Variants in SLC4A5 observed in about 807,000 individuals in gnomAD.
SLC4A5 encodes the protein solute carrier family 4 member 5.
In SLC4A5, 96 loss-of-function variants were observed where a neutral mutation model predicts 120.4. The observed-to-expected ratio is 0.80, with a 90% confidence interval of 0.68 to 0.94. The LOEUF is 0.94. Ranked by LOEUF, SLC4A5 falls within the 40% of genes least tolerant of loss-of-function variation. The pLI, the probability that SLC4A5 is intolerant of heterozygous loss-of-function variation, is 0.00. For synonymous variants in SLC4A5, 550 were observed against 571.1 expected, an observed-to-expected ratio of 0.96 and a Z score of 0.53; for missense variants, 1,259 against 1,459.5, an observed-to-expected ratio of 0.86 and a Z score of 2.24.
In SLC4A5 at chr2:74,227,633, A is replaced by G. The variant is rs1694893720; in HGVS notation, c.2916+177T>C. 8 of 1,320,920 alleles carry G rather than the reference A, an allele frequency of 6.1e-6. No homozygotes were observed. The East Asian group carries it at 1.2e-4, about 20-fold the overall frequency. 81.8% of individuals were successfully genotyped at this position (1,320,920 alleles called of 1,614,324 possible). A position where few individuals can be genotyped will look rare whatever the true frequency, so the allele number is the denominator to read the frequency against. ...ATATGAGGCCTATGAAGTGCCTAACATATTTATTTTGCCTGATAGCATCAG... is the reference window on the plus strand; with the variant it reads ...ATATGAGGCCTATGAAGTGCCTAACGTATTTATTTTGCCTGATAGCATCAG... On this transcript the variant is annotated intron_variant, in intron 26 of 30. Coordinates refer to ENST00000394019, the Ensembl canonical transcript of SLC4A5.
intron 8 of SLC4A5, among the ~76,000 whole-genome samples, chr2:74,273,059 C>A (rs1001326106): frequency 6.6e-6 from 1 of 152,204 alleles, no homozygotes; most frequent in Non-Finnish European, 1.5e-5. Flanking sequence ...ATTCTAAAAC[C>A]CAGGCTGAAT....
At chr2:74,265,244 T>A (rs1671266749) in exon 9 of SLC4A5, 1 of 1,613,896 alleles carries the variant, frequency 6.2e-7, no homozygotes, top group African/African-American at 1.3e-5. Flanking sequence ...TTCCTCTACC[T>A]TTTCTTCAAA....
intron 8 of SLC4A5, among the ~76,000 whole-genome samples, chr2:74,268,272 C>G (rs1671367039): frequency 6.6e-6 from 1 of 152,190 alleles, no homozygotes; most frequent in South Asian, 2.1e-4. Context: ...GCTCCTCCAA[C>G]CAGGAGGCAT....
chr2:74,229,104 C>CA (rs1553451211), intron 25 of SLC4A5, among the ~76,000 whole-genome samples: 1 of 98,590 alleles, frequency 1.0e-5, no homozygotes, highest in Non-Finnish European at 1.8e-5. Context: ...TAGATTTGAG[C>CA]TTTTTTTTTT....
intron 8 of SLC4A5, among the ~76,000 whole-genome samples, chr2:74,284,784 G>A (rs955843920): frequency 2.0e-5 from 3 of 152,032 alleles, no homozygotes; most frequent in Non-Finnish European, 4.4e-5. Flanking sequence ...TGGCTCCTGC[G>A]ACTTCTCCGT....
rs13432790 is a variant in SLC4A5 at position 74,261,285 on chromosome 2, A to G, written c.811+852T>C. Among the ~76,000 whole-genome samples the G allele has an allele frequency of 4.0e-3, 615 of 152,264 alleles. 2 individuals carry two copies. Among genetic ancestry groups the G allele is most frequent in the African/African-American group, 0.012 (483 of 41,546 alleles). On this transcript the variant is annotated intron_variant, in intron 11 of 30. Coordinates refer to ENST00000394019, the Ensembl canonical transcript of SLC4A5. Reference sequence around the variant, plus strand: ...GTCTTCCCGAAGCCACTCTGTACCCACTGAACACTGCCACTGGGCATCCCT... The same window carrying G: ...GTCTTCCCGAAGCCACTCTGTACCCGCTGAACACTGCCACTGGGCATCCCT...
intron 3 of SLC4A5, among the ~76,000 whole-genome samples, chr2:74,334,705 C>A (rs1673441140): frequency 6.6e-6 from 1 of 152,032 alleles, no homozygotes; most frequent in African/African-American, 2.4e-5. Flanking sequence ...AATCCTGACT[C>A]AACTAACTGT....
chr2:74,315,279 A>T (rs906474710), intron 5 of SLC4A5, among the ~76,000 whole-genome samples: 5 of 151,850 alleles, frequency 3.3e-5, no homozygotes, highest in Non-Finnish European at 7.4e-5. Context: ...ATCTCTAATA[A>T]AAATACAAAA....
chr2:74,318,832 A>T (rs1673028055), intron 5 of SLC4A5, among the ~76,000 whole-genome samples: 1 of 152,218 alleles, frequency 6.6e-6, no homozygotes, highest in Admixed American at 6.5e-5. Flanking sequence ...CTACCATTTG[A>T]TTCAGCAATC....
At chr2:74,277,918 CA>C (rs373384353) in intron 8 of SLC4A5, among the ~76,000 whole-genome samples, 24 of 146,122 alleles carry the variant, frequency 1.6e-4, no homozygotes, top group Non-Finnish European at 2.0e-4. Flanking sequence ...AAGCAAACAA[CA>C]AAAAAAAAAT....
chr2:74,227,311 A>T (rs905636512), intron 26 of SLC4A5, among the ~76,000 whole-genome samples, 181 bp from the exon 27 acceptor site: 3 of 152,128 alleles, frequency 2.0e-5, no homozygotes, highest in Non-Finnish European at 4.4e-5. Context: ...GGTCTTAGAG[A>T]AAGGGTCCTG....
At chr2:74,218,821 C>T (rs539660232) in intron 30 of SLC4A5, 29 bp from the exon 31 acceptor site, 5 of 152,650 alleles carry the variant, frequency 3.3e-5, no homozygotes, top group Non-Finnish European at 5.9e-5. Context: ...AGAAGGATTA[C>T]GTAGTTCTTG....
chr2:74,233,503 A>G (rs762449809), exon 23 of SLC4A5: 10 of 1,613,988 alleles, frequency 6.2e-6, no homozygotes, highest in Middle Eastern at 1.6e-4. Context: ...CTTGCTGGGT[A>G]TACCCACCAC....
intron 8 of SLC4A5, among the ~76,000 whole-genome samples, chr2:74,278,220 A>G (rs993148499): frequency 3.9e-5 from 6 of 152,206 alleles, no homozygotes; most frequent in Admixed American, 2.6e-4. Context: ...GACCAGCTCC[A>G]AGGGTTCTGA....
chr2:74,328,060 A>G (rs1673260629), intron 5 of SLC4A5, 60 bp downstream of exon 5: 1 of 904,670 alleles, frequency 1.1e-6, no homozygotes, highest in African/African-American at 1.8e-5. Context: ...TATGAAACAC[A>G]TTTTCCCTTA....
chr2:74,231,135 A>G (rs1670066311), intron 25 of SLC4A5, 101 bp downstream of exon 25: 5 of 1,034,306 alleles, frequency 4.8e-6, no homozygotes, highest in South Asian at 1.7e-5. Context: ...GGGGGCTGAT[A>G]GGCCAGTGAT....
Position 74,314,963 on chromosome 2 carries a change from T to A in SLC4A5, c.61A>T (p.Arg21Ter), listed in dbSNP as rs1672918339. Residue 21 changes from arginine (R) to a stop codon, truncating the protein, a stop_gained, in exon 6 of 31, where the codon AGA becomes TGA. Transcript: ENST00000394019. LOFTEE classifies it high-confidence loss of function. Reference sequence around the variant, plus strand: ...ACCTCACCTTTCTGATCCGGAAATCTCCTCCTGTGGTTAGTGTGGTCCAGC... The same window carrying A: ...ACCTCACCTTTCTGATCCGGAAATCACCTCCTGTGGTTAGTGTGGTCCAGC... The A allele has an allele frequency of 3.2e-6, 5 of 1,560,732 alleles. No individual in the cohort carries two copies. In the East Asian group the frequency reaches 1.1e-4, roughly 35 times the overall value.
At chr2:74,227,983 G>T (rs1171782458) in intron 25 of SLC4A5, 105 bp from the exon 26 acceptor site, 1 of 754,322 alleles carries the variant, frequency 1.3e-6, no homozygotes, top group East Asian at 2.8e-5. Context: ...CTAGGAAACT[G>T]GATATTTGGG....
At chr2:74,318,691 A>G (rs1239647012) in intron 5 of SLC4A5, among the ~76,000 whole-genome samples, 2 of 152,110 alleles carry the variant, frequency 1.3e-5, no homozygotes, top group African/African-American at 4.8e-5. Flanking sequence ...TCACAAAAAA[A>G]AAAAAAAGTG....
Sources: gnomAD v4.1 joint callset for allele counts (sites outside exome capture counted in the v4.1 genomes callset) on GRCh38, gnomAD v4.1.1 for gene constraint, MANE v1.5 for transcripts, NCBI Gene and HGNC (gene_info 2026-07-23, HGNC 2026-07-21) for gene names.